CNIH4: variants seen among roughly 807,000 people sequenced by gnomAD.
The protein encoded by CNIH4 is cornichon family member 4.
A neutral mutation model predicts 21.5 loss-of-function variants in CNIH4; 9 were observed. That is an observed-to-expected ratio of 0.42 (90% confidence interval 0.25 to 0.73). The LOEUF (loss-of-function observed/expected upper bound fraction) is 0.73, where lower values mean the gene tolerates loss of function less well. CNIH4 is among the 30% of genes least tolerant of loss of function. The probability of loss-of-function intolerance (pLI) is 0.27; values close to 1 mark genes in which losing one functional copy is unlikely to be tolerated. For missense variants in CNIH4, 159 were observed against 170.0 expected, an observed-to-expected ratio of 0.94 and a Z score of 0.36; for synonymous variants, 67 against 59.1, an observed-to-expected ratio of 1.13 and a Z score of -0.61.
chr1:224,371,250 T>TC, intron 3 of CNIH4, 33 bp from the exon 4 acceptor site: 1 of 1,589,144 alleles, frequency 6.3e-7, no homozygotes, highest in Non-Finnish European at 8.6e-7. Context: ...GATTTGATTA[T>TC]CCTTCTAATG....
chr1:224,364,801 C>T (rs1299801098), intron 2 of CNIH4, among the ~76,000 whole-genome samples: 1 of 151,846 alleles, frequency 6.6e-6, no homozygotes, highest in Non-Finnish European at 1.5e-5. Flanking sequence ...GGCATGGTGG[C>T]GGGCGCCTGT....
At chr1:224,363,439 C>T (rs1218908515) in intron 2 of CNIH4, among the ~76,000 whole-genome samples, 1 of 152,156 alleles carries the variant, frequency 6.6e-6, no homozygotes, top group Non-Finnish European at 1.5e-5. Context: ...TCCTAGTTCT[C>T]TGCGAATACT....
At position 224,376,395 on chromosome 1, in the gene CNIH4, T is replaced by C; in HGVS notation, c.*573T>C. Reference sequence around the variant, plus strand: ...TTTCTTTGCACAATTTGTGAAACCTTATAAGCCATTTTCCCCAGGTACAAT... The same window carrying C: ...TTTCTTTGCACAATTTGTGAAACCTCATAAGCCATTTTCCCCAGGTACAAT... On this transcript the variant is annotated 3_prime_UTR_variant, in exon 5 of 5. Transcript: ENST00000465271. The C allele has an allele frequency of 2.0e-6, 2 of 985,404 alleles. No homozygotes were observed. Among genetic ancestry groups the C allele is most frequent in the Non-Finnish European group, 2.4e-6 (2 of 829,916 alleles). 61.0% of individuals were successfully genotyped at this position (985,404 alleles called of 1,614,324 possible).
intron 4 of CNIH4, among the ~76,000 whole-genome samples, chr1:224,375,285 T>G (rs1672747940): frequency 2.0e-5 from 3 of 152,182 alleles, no homozygotes. Flanking sequence ...GAAGAAGAGC[T>G]GTGGAAGGAG....
intron 2 of CNIH4, among the ~76,000 whole-genome samples, chr1:224,362,846 G>A (rs1341516761): frequency 1.3e-5 from 2 of 151,854 alleles, no homozygotes; most frequent in African/African-American, 4.8e-5. Context: ...TTCAATATGG[G>A]AAATTTTCTT....
rs1202700272 is a variant in CNIH4, at chr1:224,378,419, G to A, written c.*2597G>A. 1 of 152,296 alleles carries A rather than the reference G, an allele frequency of 6.6e-6. No individual in the cohort carries two copies. The highest frequency in any genetic ancestry group is 1.5e-5 in the Non-Finnish European group (1 of 68,100). 9.4% of individuals were successfully genotyped at this position (152,296 alleles called of 1,614,324 possible). A position where few individuals can be genotyped will look rare whatever the true frequency, so the allele number is the denominator to read the frequency against. On this transcript the variant is annotated 3_prime_UTR_variant, in exon 5 of 5. Coordinates refer to ENST00000465271, the MANE Select transcript of CNIH4 (RefSeq NM_014184.4). The stretch of plus-strand genomic sequence containing the variant: ...AAAAGCACTGACTTTAAAAAGCCAT[G>A]TTTAAGATGCTATAAATGTTCTCCC...
intron 1 of CNIH4, chr1:224,357,282 T>G: frequency 3.1e-6 from 1 of 323,378 alleles, no homozygotes; most frequent in Middle Eastern, 8.5e-4. Context: ...CGTCTCGGCC[T>G]GCCCGCCTGC....
At chr1:224,369,479 G>A (rs934452836) in intron 3 of CNIH4, among the ~76,000 whole-genome samples, 2 of 152,196 alleles carry the variant, frequency 1.3e-5, no homozygotes, top group Admixed American at 6.6e-5. Context: ...CGCAGCCTGA[G>A]GCAGGAGAAT....
At chr1:224,366,964 GAA>G (rs10707628) in intron 3 of CNIH4, among the ~76,000 whole-genome samples, 12 of 88,432 alleles carry the variant, frequency 1.4e-4, no homozygotes, top group East Asian at 3.4e-4. Flanking sequence ...TCCGTCTCAA[GAA>G]AAAAAAAAAA....
In CNIH4 at chr1:224,376,796, T is replaced by C; in HGVS notation, c.*974T>C. 1 of 984,384 alleles carries C rather than the reference T, an allele frequency of 1.0e-6. No homozygotes were observed. The highest frequency in any genetic ancestry group is 4.7e-5 in the South Asian group (1 of 21,282). The allele number at this position is 984,384 out of a possible 1,614,324, so 61.0% of individuals were successfully genotyped here. Reference sequence around the variant, plus strand: ...AACTCTGTTCCTTGGAGTTATATTGTAAACTCTTGCAGGTGGGAGAGCAGT... The same window carrying C: ...AACTCTGTTCCTTGGAGTTATATTGCAAACTCTTGCAGGTGGGAGAGCAGT... On this transcript the variant is annotated 3_prime_UTR_variant, in exon 5 of 5. Transcript: ENST00000465271.
At chr1:224,364,401 C>G in intron 2 of CNIH4, 1 of 980,582 alleles carries the variant, frequency 1.0e-6, no homozygotes, top group South Asian at 4.7e-5. Context: ...TGAGTGCCTA[C>G]TTTGCATGTG....
chr1:224,369,149 T>C (rs924480317), intron 3 of CNIH4, among the ~76,000 whole-genome samples: 37 of 152,320 alleles, frequency 2.4e-4, no homozygotes, highest in African/African-American at 8.9e-4. Flanking sequence ...CATTCTCCAG[T>C]ATGCTGAATG....
intron 3 of CNIH4, among the ~76,000 whole-genome samples, chr1:224,368,718 G>A (rs958582787): frequency 6.6e-6 from 1 of 151,552 alleles, no homozygotes; most frequent in Admixed American, 6.6e-5. Context: ...GTGCAGTGGC[G>A]TGATGTTTGC....
chr1:224,357,743 A>G (rs1344055297), intron 1 of CNIH4: 1 of 152,072 alleles, frequency 6.6e-6, no homozygotes, highest in African/African-American at 2.4e-5. Flanking sequence ...CAGCTTTTAA[A>G]TTTTTCTATC....
chr1:224,369,799 C>T (rs1204847961), intron 3 of CNIH4, among the ~76,000 whole-genome samples: 7 of 151,650 alleles, frequency 4.6e-5, no homozygotes, highest in African/African-American at 1.7e-4. Flanking sequence ...GCCTCAGCCT[C>T]CTGAGTAGGT....
chr1:224,371,339 A>G lies in CNIH4; in HGVS notation c.308A>G (p.Asn103Ser), dbSNP rs751081561. ...GTGTTTGATCCAACAGAAATACACA[A>G]TCGAGGGCAGCTGAAGTCACACATG... ...MGVFDPTEIH[N>S]RGQLKSHMKE... The change falls in exon 4 of 5, where the codon AAT becomes AGT. Residue 103 changes from asparagine to serine, a missense_variant. Asn to Ser is a conservative substitution (Grantham distance 46). Coordinates refer to ENST00000465271, the MANE Select transcript of CNIH4 (RefSeq NM_014184.4). 2.5e-6 allele frequency: 4 copies of G among 1,614,052 alleles called. No homozygotes were observed. Among genetic ancestry groups the G allele is most frequent in the East Asian group, 2.2e-5 (1 of 44,898 alleles).
At chr1:224,372,564 G>T (rs976876687) in intron 4 of CNIH4, among the ~76,000 whole-genome samples, 21 of 147,182 alleles carry the variant, frequency 1.4e-4, no homozygotes, top group South Asian at 1.1e-3. Context: ...GATAGCAGGG[G>T]TTTTTTTTTT....
chr1:224,375,222 CAA>C (rs1002810767), intron 4 of CNIH4, among the ~76,000 whole-genome samples: 1 of 152,168 alleles, frequency 6.6e-6, no homozygotes, highest in Non-Finnish European at 1.5e-5. Context: ...GCTTTCATCT[CAA>C]GAGTTGCTCA....
intron 4 of CNIH4, among the ~76,000 whole-genome samples, chr1:224,374,856 AT>A (rs1211871690): frequency 1.3e-5 from 2 of 152,240 alleles, no homozygotes; most frequent in Non-Finnish European, 2.9e-5. Context: ...TCTTTAAAAA[AT>A]ATTAGCTGCT....
Sources: gnomAD v4.1 joint callset for allele counts (sites outside exome capture counted in the v4.1 genomes callset) on GRCh38, gnomAD v4.1.1 for gene constraint, MANE v1.5 for transcripts, NCBI Gene and HGNC (gene_info 2026-07-23, HGNC 2026-07-21) for gene names.